Variants in ARHGAP15 observed in about 807,000 individuals in gnomAD.
ARHGAP15 encodes the protein Rho GTPase activating protein 15.
A neutral mutation model predicts 63.7 loss-of-function variants in ARHGAP15; 51 were observed. That is an observed-to-expected ratio of 0.80 (90% confidence interval 0.64 to 1.01). The LOEUF is 1.01. Among genes scored for constraint, ARHGAP15 ranks in the 50% least tolerant of loss-of-function variants. The pLI is 0.00. For missense variants in ARHGAP15, 560 were observed against 564.6 expected (o/e 0.99, Z 0.08); for synonymous variants, 191 against 193.8 (o/e 0.99, Z 0.12).
At chr2:143,490,348 G>C (rs1692533639) in intron 9 of ARHGAP15, among the ~76,000 whole-genome samples, 2 of 152,092 alleles carry the variant, frequency 1.3e-5, no homozygotes, top group Non-Finnish European at 2.9e-5. Flanking sequence ...TTCACCAGTA[G>C]GTTGAGGAGG....
chr2:143,258,223 A>T (rs7604168), intron 6 of ARHGAP15, among the ~76,000 whole-genome samples: 26,662 of 151,874 alleles, frequency 0.18, 2,542 homozygotes, highest in South Asian at 0.35. Context: ...AAGGTAATGA[A>T]GCTGGATCTG....
chr2:143,413,966 T>TGTGTGTGTGCGCGCGCGCGTGC, intron 6 of ARHGAP15, among the ~76,000 whole-genome samples: 10 of 117,910 alleles, frequency 8.5e-5, no homozygotes, highest in African/African-American at 3.5e-4. Context: ...TGTGTGTGTG[T>TGTGTGTGTGCGCGCGCGCGTGC]GCGCGCTCTC....
intron 2 of ARHGAP15, among the ~76,000 whole-genome samples, chr2:143,190,059 A>T (rs1167286404): frequency 1.3e-5 from 2 of 152,090 alleles, no homozygotes; most frequent in East Asian, 1.9e-4. Context: ...TTTTCTAAAG[A>T]TTGTAAGCTT....
At chr2:143,670,548 G>C (rs1222594478) in intron 12 of ARHGAP15, among the ~76,000 whole-genome samples, 2 of 152,106 alleles carry the variant, frequency 1.3e-5, no homozygotes, top group African/African-American at 2.4e-5. Flanking sequence ...CAGAGTAAGG[G>C]ACCCGATAGG....
chr2:143,473,292 C>T (rs141353254), intron 8 of ARHGAP15, among the ~76,000 whole-genome samples: 239 of 152,300 alleles, frequency 1.6e-3, no homozygotes, highest in African/African-American at 5.7e-3. Context: ...CCATTGCATT[C>T]CCCAGCACTT....
intron 12 of ARHGAP15, among the ~76,000 whole-genome samples, chr2:143,661,836 C>T (rs537895387): frequency 2.6e-5 from 4 of 152,316 alleles, no homozygotes; most frequent in African/African-American, 9.6e-5. Context: ...CGGGTCACTC[C>T]CACCCGAATA....
chr2:143,469,187 G>A (rs534635706), intron 8 of ARHGAP15, among the ~76,000 whole-genome samples: 176 of 152,096 alleles, frequency 1.2e-3, no homozygotes, highest in African/African-American at 4.2e-3. Context: ...ACCTGTAGTC[G>A]ACCCATTCAC....
chr2:143,452,345 G>A (rs1376491635), intron 8 of ARHGAP15, among the ~76,000 whole-genome samples: 8 of 151,918 alleles, frequency 5.3e-5, no homozygotes, highest in African/African-American at 1.9e-4. Context: ...CCCTGATGGA[G>A]CAATCAATTA....
chr2:143,474,982 C>T (rs546624509), intron 8 of ARHGAP15, among the ~76,000 whole-genome samples: 11 of 152,310 alleles, frequency 7.2e-5, no homozygotes, highest in African/African-American at 2.6e-4. Flanking sequence ...TGGCTGGAAG[C>T]AGAAAGTAGT....
chr2:143,549,198 C>CT (rs965402566), intron 10 of ARHGAP15, among the ~76,000 whole-genome samples: 9 of 152,046 alleles, frequency 5.9e-5, no homozygotes, highest in African/African-American at 1.9e-4. Flanking sequence ...TTTTAAAGTT[C>CT]TTTTTTATGA....
At chr2:143,719,248 T>C (rs1278595604) in intron 13 of ARHGAP15, among the ~76,000 whole-genome samples, 1 of 152,222 alleles carries the variant, frequency 6.6e-6, no homozygotes. Flanking sequence ...ATTTATTGAT[T>C]TTCATTTACC....
chr2:143,360,999 T>C (rs1686027775), intron 6 of ARHGAP15, among the ~76,000 whole-genome samples: 1 of 151,694 alleles, frequency 6.6e-6, no homozygotes, highest in African/African-American at 2.4e-5. Flanking sequence ...GAACAAAATT[T>C]TGTAACACCG....
At chr2:143,553,970 C>T (rs892773816) in intron 10 of ARHGAP15, among the ~76,000 whole-genome samples, 4 of 151,990 alleles carry the variant, frequency 2.6e-5, no homozygotes, top group African/African-American at 9.7e-5. Context: ...TTAAGTAAGG[C>T]CCTTATTTGC....
chr2:143,377,124 C>A (rs928153913), intron 6 of ARHGAP15, among the ~76,000 whole-genome samples: 1 of 151,788 alleles, frequency 6.6e-6, no homozygotes, highest in Admixed American at 6.6e-5. Context: ...CAATGACAGG[C>A]TAATAAAATG....
chr2:143,156,070 C>A (rs1318362225), intron 2 of ARHGAP15, among the ~76,000 whole-genome samples: 1 of 151,546 alleles, frequency 6.6e-6, no homozygotes, highest in Non-Finnish European at 1.5e-5. Flanking sequence ...ATGTGAAAAT[C>A]TCTTCCTTAA....
At chr2:143,218,664 G>A (rs1692867292) in intron 4 of ARHGAP15, among the ~76,000 whole-genome samples, 1 of 152,084 alleles carries the variant, frequency 6.6e-6, no homozygotes, top group Non-Finnish European at 1.5e-5. Flanking sequence ...TGGTGCTATA[G>A]AGACATGCGT....
intron 10 of ARHGAP15, among the ~76,000 whole-genome samples, chr2:143,542,615 A>G (rs908102471): frequency 2.7e-5 from 4 of 145,564 alleles, no homozygotes; most frequent in African/African-American, 1.0e-4. Context: ...GTGTGTGCAT[A>G]TATATCATAT....
chr2:143,727,759 A>C (rs1368072699), intron 13 of ARHGAP15, among the ~76,000 whole-genome samples: 1 of 152,156 alleles, frequency 6.6e-6, no homozygotes, highest in African/African-American at 2.4e-5. Context: ...ATAAACTGTT[A>C]TATATGCATA....
At chr2:143,195,482 T>TAAC (rs1288261732) in intron 2 of ARHGAP15, among the ~76,000 whole-genome samples, 8 of 152,094 alleles carry the variant, frequency 5.3e-5, no homozygotes, top group Non-Finnish European at 1.0e-4. Flanking sequence ...ATTAGAAGAT[T>TAAC]AACTGTAAAG....
Sources: gnomAD v4.1 joint callset for allele counts (sites outside exome capture counted in the v4.1 genomes callset) on GRCh38, gnomAD v4.1.1 for gene constraint, MANE v1.5 for transcripts, NCBI Gene and HGNC (gene_info 2026-07-23, HGNC 2026-07-21) for gene names.